MAST4: variants seen among roughly 807,000 people sequenced by gnomAD.
MAST4 encodes the protein microtubule associated serine/threonine kinase family member 4, also known as microtubule-associated serine/threonine-protein kinase 4.
A neutral mutation model predicts 162.7 loss-of-function variants in MAST4; 89 were observed. The ratio of observed to expected loss-of-function variants is 0.55; its 90% CI spans 0.46 to 0.65. The LOEUF is 0.65. Among genes scored for constraint, MAST4 ranks in the 30% least tolerant of loss-of-function variants. MAST4 has a pLI of 0.00. For missense variants in MAST4, 3,153 were observed against 3,374.0 expected (o/e 0.93, Z 1.62); for synonymous variants, 1,479 against 1,361.1 (o/e 1.09, Z -1.91).
intron 3 of MAST4, among the ~76,000 whole-genome samples, chr5:66,813,897 G>A (rs889504212): frequency 7.2e-5 from 11 of 152,328 alleles, no homozygotes; most frequent in African/African-American, 2.2e-4. Flanking sequence ...CTCTTACATT[G>A]CTTTCAGAAT....
intron 4 of MAST4, among the ~76,000 whole-genome samples, chr5:67,052,107 G>A (rs1302286739): frequency 6.6e-6 from 1 of 152,024 alleles, no homozygotes; most frequent in Non-Finnish European, 1.5e-5. Flanking sequence ...CCTTAAATAT[G>A]GTAAACTGTT....
At chr5:66,955,944 A>G (rs1338057731) in intron 4 of MAST4, among the ~76,000 whole-genome samples, 1 of 151,184 alleles carries the variant, frequency 6.6e-6, no homozygotes, top group Non-Finnish European at 1.5e-5. Context: ...AAGTTCATAT[A>G]TTACAATTAG....
intron 5 of MAST4, among the ~76,000 whole-genome samples, chr5:67,071,177 C>A (rs1001570800): frequency 1.3e-5 from 2 of 152,276 alleles, no homozygotes; most frequent in East Asian, 3.9e-4. Context: ...AAACTCTGCT[C>A]TAGAAATAGT....
intron 1 of MAST4, among the ~76,000 whole-genome samples, chr5:66,678,051 C>T (rs551829506): frequency 6.6e-6 from 1 of 152,238 alleles, no homozygotes; most frequent in South Asian, 2.1e-4. Context: ...TCTAAAGCTG[C>T]AAGTGCTGTG....
chr5:67,012,020 GT>G (rs1327773147), intron 4 of MAST4, among the ~76,000 whole-genome samples: 1 of 152,218 alleles, frequency 6.6e-6, no homozygotes, highest in Non-Finnish European at 1.5e-5. Flanking sequence ...GAGAGAGAGT[GT>G]GTTTCTGTGT....
chr5:66,922,399 A>G (rs772740523), intron 4 of MAST4, among the ~76,000 whole-genome samples: 12 of 152,244 alleles, frequency 7.9e-5, no homozygotes, highest in Non-Finnish European at 1.5e-4. Context: ...GGTGACATGT[A>G]CTGCCAGCTG....
chr5:66,983,664 G>A (rs1749131500), intron 4 of MAST4, among the ~76,000 whole-genome samples: 1 of 152,124 alleles, frequency 6.6e-6, no homozygotes, highest in Admixed American at 6.5e-5. Context: ...AGGGGGAGGG[G>A]AATGGGGAGG....
chr5:66,975,899 G>A (rs1401125392), intron 4 of MAST4, among the ~76,000 whole-genome samples: 1 of 152,120 alleles, frequency 6.6e-6, no homozygotes, highest in Non-Finnish European at 1.5e-5. Context: ...GGAGACTGAG[G>A]CATGAAAATT....
intron 9 of MAST4, 22 bp downstream of exon 9, chr5:67,102,633 GC>G: frequency 6.3e-7 from 1 of 1,586,316 alleles, no homozygotes; most frequent in Non-Finnish European, 8.7e-7. Context: ...AATTGAAGAT[GC>G]CTAGCATCTA....
chr5:66,936,668 A>G (rs540306815), intron 4 of MAST4, among the ~76,000 whole-genome samples: 41 of 152,296 alleles, frequency 2.7e-4, no homozygotes, highest in African/African-American at 9.1e-4. Context: ...GGATGTGTAC[A>G]TGCAGGTCAC....
intron 4 of MAST4, among the ~76,000 whole-genome samples, chr5:66,902,165 G>A (rs1763052398): frequency 6.6e-6 from 1 of 152,004 alleles, no homozygotes; most frequent in Non-Finnish European, 1.5e-5. Flanking sequence ...TCTTTTTGTT[G>A]TTGTTCCATA....
chr5:66,977,446 G>C (rs1393926961), intron 4 of MAST4, among the ~76,000 whole-genome samples: 2 of 152,154 alleles, frequency 1.3e-5, no homozygotes, highest in East Asian at 3.9e-4. Flanking sequence ...GATTGAGAAA[G>C]TAGAAAAAGC....
chr5:66,700,770 T>TA (rs1397591100), intron 1 of MAST4, among the ~76,000 whole-genome samples: 10 of 137,588 alleles, frequency 7.3e-5, no homozygotes, highest in African/African-American at 2.7e-4. Context: ...GCTGTGAGAT[T>TA]AAAAAAAAAA....
intron 4 of MAST4, among the ~76,000 whole-genome samples, chr5:66,904,264 T>C (rs1763201039): frequency 1.3e-5 from 2 of 152,180 alleles, no homozygotes; most frequent in African/African-American, 4.8e-5. Context: ...TATTTATTTT[T>C]AAAGGACCCC....
intron 4 of MAST4, among the ~76,000 whole-genome samples, chr5:66,905,376 G>C (rs144326700): frequency 1.7e-3 from 261 of 151,128 alleles, no homozygotes; most frequent in Non-Finnish European, 2.9e-3. Flanking sequence ...CTCCCAGTAT[G>C]TATAGTAGTC....
At position 67,166,810 on chromosome 5, in the gene MAST4, C is replaced by T; in HGVS notation, c.7631C>T (p.Ala2544Val). Reference protein sequence around the residue: ...HHPDPNTMGGASHRDRALSVT... With the variant: ...HHPDPNTMGGVSHRDRALSVT... ...CCCGACCCAAACACCATGGGCGGGG[C>T]CAGCCACCGGGACAGGGCTCTCTCG... is the stretch of plus-strand genomic sequence containing the variant. The change falls in exon 29 of 29, where the codon GCC becomes GTC. Residue 2544 changes from alanine (A) to valine (V), a missense_variant. By Grantham distance (64) the Ala-to-Val change is moderately conservative (BLOSUM62 0). Transcript: ENST00000403625. 3 of 1,604,158 alleles carry T rather than the reference C, an allele frequency of 1.9e-6. No individual in the cohort carries two copies. Among genetic ancestry groups the T allele is most frequent in the South Asian group, 2.2e-5 (2 of 89,110 alleles).
At chr5:66,855,884 A>G (rs1759646110) in intron 3 of MAST4, among the ~76,000 whole-genome samples, 1 of 152,184 alleles carries the variant, frequency 6.6e-6, no homozygotes, top group Non-Finnish European at 1.5e-5. Context: ...ATACTTGGCC[A>G]GGCCTGGTGG....
chr5:66,743,842 A>T (rs981104230), intron 1 of MAST4, among the ~76,000 whole-genome samples: 4 of 152,156 alleles, frequency 2.6e-5, no homozygotes, highest in Admixed American at 1.3e-4. Flanking sequence ...ATAGATATTT[A>T]TTACAATTGC....
intron 11 of MAST4, among the ~76,000 whole-genome samples, chr5:67,110,518 T>C (rs1208909124): frequency 6.6e-6 from 1 of 152,238 alleles, no homozygotes; most frequent in African/African-American, 2.4e-5. Context: ...ACCCTGGCTG[T>C]ACCACACTTT....
Sources: gnomAD v4.1 joint callset for allele counts (sites outside exome capture counted in the v4.1 genomes callset) on GRCh38, gnomAD v4.1.1 for gene constraint, MANE v1.5 for transcripts, NCBI Gene and HGNC (gene_info 2026-07-23, HGNC 2026-07-21) for gene names.